The following PAPPA2 variants were observed in gnomAD, a reference collection of about 807,000 sequenced individuals.
PAPPA2 encodes pappalysin-2.
Under a neutral mutation model 176.4 loss-of-function variants are expected in PAPPA2, and 86 were observed. The observed-to-expected ratio is 0.49, with a 90% CI of 0.41 to 0.58. PAPPA2 has a LOEUF of 0.58. Ranked by LOEUF, PAPPA2 falls within the 20% of genes least tolerant of loss-of-function variation. The pLI is 0.00. For synonymous variants in PAPPA2, 809 were observed against 852.2 expected (o/e 0.95, Z 0.88); for missense variants, 2,073 against 2,256.9 (o/e 0.92, Z 1.65).
chr1:176,631,977 G>A (rs1435066239), intron 3 of PAPPA2, among the ~76,000 whole-genome samples: 1 of 152,092 alleles, frequency 6.6e-6, no homozygotes, highest in African/African-American at 2.4e-5. Context: ...AGAAAGGATA[G>A]AGGATGATGG....
At chr1:176,477,306 C>T (rs915814206) in intron 1 of PAPPA2, among the ~76,000 whole-genome samples, 1 of 152,132 alleles carries the variant, frequency 6.6e-6, no homozygotes, top group African/African-American at 2.4e-5. Context: ...GACTTTCAAA[C>T]AGTTACTCAT....
chr1:176,809,604 T>G (rs1666054479), intron 21 of PAPPA2, among the ~76,000 whole-genome samples: 1 of 152,158 alleles, frequency 6.6e-6, no homozygotes, highest in African/African-American at 2.4e-5. Flanking sequence ...CTCTATGGGA[T>G]GCAGAGGCCA....
chr1:176,724,598 T>C (rs868490900), intron 12 of PAPPA2, among the ~76,000 whole-genome samples: 9 of 152,200 alleles, frequency 5.9e-5, no homozygotes, highest in Admixed American at 2.0e-4. Context: ...ACATCAGTTA[T>C]AAATTACAGA....
At chr1:176,506,605 T>G (rs1438830463) in intron 1 of PAPPA2, among the ~76,000 whole-genome samples, 1 of 152,146 alleles carries the variant, frequency 6.6e-6, no homozygotes, top group Non-Finnish European at 1.5e-5. Context: ...TTTTATTTTC[T>G]TTGTGGCTAT....
chr1:176,767,573 G>T (rs780300242), intron 15 of PAPPA2, among the ~76,000 whole-genome samples: 20 of 152,136 alleles, frequency 1.3e-4, no homozygotes, highest in Non-Finnish European at 4.4e-5. Flanking sequence ...GTCTCCATCT[G>T]CTGACCTCGT....
chr1:176,488,289 G>A (rs886390634), intron 1 of PAPPA2, among the ~76,000 whole-genome samples: 2 of 152,014 alleles, frequency 1.3e-5, no homozygotes, highest in African/African-American at 2.4e-5. Flanking sequence ...GAATTGAATT[G>A]TGGAAAATAA....
At chr1:176,634,325 C>A (rs75462836) in intron 3 of PAPPA2, among the ~76,000 whole-genome samples, 26,539 of 151,406 alleles carry the variant, frequency 0.18, 2,467 homozygotes, top group Middle Eastern at 0.23. Flanking sequence ...TCATTCTCAG[C>A]GAACTATGGC....
intron 2 of PAPPA2, among the ~76,000 whole-genome samples, chr1:176,565,397 T>A (rs72716809): frequency 1.3e-5 from 2 of 152,242 alleles, no homozygotes; most frequent in Non-Finnish European, 2.9e-5. Context: ...CCTCTGACCC[T>A]CTAAAATGAA....
At position 176,757,450 on chromosome 1, in the gene PAPPA2, A is replaced by G. The variant is rs535749383; in HGVS notation, c.4152-8216A>G. 2.6e-5 allele frequency among the ~76,000 whole-genome samples: 4 copies of G among 152,298 alleles called. No homozygotes were observed. The East Asian group carries it at 7.7e-4, about 29-fold the overall frequency. On this transcript the variant is annotated intron_variant, in intron 14 of 22. Coordinates refer to ENST00000367662, the MANE Select transcript of PAPPA2 (RefSeq NM_020318.3). Reference sequence around the variant, plus strand: ...TGTGGTTTTGATTTGCATTTCTCTGATGACCAGTGATGATGAGCATTTTTT... The same window carrying G: ...TGTGGTTTTGATTTGCATTTCTCTGGTGACCAGTGATGATGAGCATTTTTT...
intron 4 of PAPPA2, among the ~76,000 whole-genome samples, chr1:176,679,648 A>T (rs566547716): frequency 5.9e-5 from 9 of 152,314 alleles, no homozygotes; most frequent in Admixed American, 2.0e-4. Flanking sequence ...TGTGCTAAGC[A>T]GTTGTCTGCA....
intron 1 of PAPPA2, among the ~76,000 whole-genome samples, chr1:176,514,660 T>C (rs1314178501): frequency 6.6e-6 from 1 of 152,246 alleles, no homozygotes; most frequent in East Asian, 1.9e-4. Context: ...TGACAAATTA[T>C]ACGACTTAAA....
chr1:176,553,892 C>G lies in PAPPA2; in HGVS notation c.-916-1515C>G, dbSNP rs567046524. On this transcript the variant is annotated intron_variant, in intron 1 of 22. Transcript: ENST00000367662. Reference sequence around the variant, plus strand: ...TTTCTCTCTCTCTCTTTCTCTCTCTCTCTCCCCTCTGCTTTCCTGGTTTTC... The same window carrying G: ...TTTCTCTCTCTCTCTTTCTCTCTCTGTCTCCCCTCTGCTTTCCTGGTTTTC... Among the ~76,000 whole-genome samples, 7 of 152,118 alleles carry G rather than the reference C, an allele frequency of 4.6e-5. No individual in the cohort carries two copies. In the East Asian group the frequency reaches 1.4e-3, roughly 29 times the overall value.
intron 1 of PAPPA2, among the ~76,000 whole-genome samples, chr1:176,465,356 C>G (rs1369360345): frequency 6.6e-6 from 1 of 152,186 alleles, no homozygotes; most frequent in African/African-American, 2.4e-5. Context: ...ATACTCTCAC[C>G]AGTAGTGAAT....
intron 3 of PAPPA2, among the ~76,000 whole-genome samples, chr1:176,643,885 A>G (rs953785185): frequency 1.3e-5 from 2 of 151,854 alleles, no homozygotes; most frequent in Non-Finnish European, 2.9e-5. Flanking sequence ...AAGAGTAGAC[A>G]TGGTAGAGTG....
chr1:176,794,659 C>T (rs898502241), intron 20 of PAPPA2, among the ~76,000 whole-genome samples: 2 of 152,144 alleles, frequency 1.3e-5, no homozygotes, highest in Admixed American at 1.3e-4. Context: ...CCTATTGGAA[C>T]ACCTCTGACA....
chr1:176,655,511 C>T (rs890287489), intron 3 of PAPPA2, among the ~76,000 whole-genome samples: 4 of 151,636 alleles, frequency 2.6e-5, no homozygotes, highest in Non-Finnish European at 4.4e-5. Flanking sequence ...GGCCAACAAG[C>T]GGATTAAAAA....
intron 21 of PAPPA2, among the ~76,000 whole-genome samples, chr1:176,820,433 G>A (rs574880001): frequency 6.6e-6 from 1 of 152,144 alleles, no homozygotes; most frequent in Non-Finnish European, 1.5e-5. Flanking sequence ...CCCATGGTGA[G>A]AGGCCGCCAC....
At chr1:176,540,486 C>G (rs1158558887) in intron 1 of PAPPA2, among the ~76,000 whole-genome samples, 1 of 152,240 alleles carries the variant, frequency 6.6e-6, no homozygotes, top group East Asian at 1.9e-4. Context: ...ACAATTTATA[C>G]ACTCTGTGTC....
intron 12 of PAPPA2, among the ~76,000 whole-genome samples, chr1:176,728,097 A>G (rs1336567993): frequency 6.6e-6 from 1 of 152,002 alleles, no homozygotes; most frequent in Non-Finnish European, 1.5e-5. Context: ...AATAAGTAGA[A>G]AAAGATCAAA....
Sources: gnomAD v4.1 joint callset for allele counts (sites outside exome capture counted in the v4.1 genomes callset) on GRCh38, gnomAD v4.1.1 for gene constraint, MANE v1.5 for transcripts, NCBI Gene and HGNC (gene_info 2026-07-23, HGNC 2026-07-21) for gene names.